PRKAR1B: variants seen among roughly 807,000 people sequenced by gnomAD.
PRKAR1B encodes protein kinase cAMP-dependent type I regulatory subunit beta, also known as cAMP-dependent protein kinase type I-beta regulatory subunit.
PRKAR1B carries 22 observed loss-of-function variants against 46.5 expected under a neutral mutation model. That is an observed-to-expected ratio of 0.47 (90% CI 0.34 to 0.68). The LOEUF is 0.68. Ranked by LOEUF, PRKAR1B falls within the 30% of genes least tolerant of loss-of-function variation. The pLI is 0.01. For missense variants in PRKAR1B, 445 were observed against 535.6 expected (o/e 0.83, Z 1.67); for synonymous variants, 259 against 217.7 (o/e 1.19, Z -1.67).
intron 2 of PRKAR1B, among the ~76,000 whole-genome samples, chr7:709,932 G>C (rs553135250): frequency 6.6e-6 from 1 of 152,166 alleles, no homozygotes; most frequent in Admixed American, 6.5e-5. Context: ...ATAAGCCACC[G>C]TATCTGGCCT....
chr7:653,808 T>C (rs1278413567), intron 4 of PRKAR1B, among the ~76,000 whole-genome samples: 2 of 152,150 alleles, frequency 1.3e-5, no homozygotes, highest in African/African-American at 4.8e-5. Flanking sequence ...TTATAACTAG[T>C]GCTCATCACC....
intron 9 of PRKAR1B, among the ~76,000 whole-genome samples, chr7:558,149 T>TAA (rs531704507): frequency 1.4e-5 from 2 of 138,068 alleles, no homozygotes; most frequent in Admixed American, 7.2e-5. Flanking sequence ...CCCCATCTCT[T>TAA]AAAAAAAAAA....
intron 7 of PRKAR1B, among the ~76,000 whole-genome samples, chr7:588,671 G>T (rs1780762770): frequency 6.8e-6 from 1 of 146,750 alleles, no homozygotes; most frequent in African/African-American, 2.6e-5. Flanking sequence ...TAGTGACAGT[G>T]GTGATGACGA....
chr7:687,128 A>G (rs551009812), intron 2 of PRKAR1B, among the ~76,000 whole-genome samples: 3 of 152,310 alleles, frequency 2.0e-5, no homozygotes, highest in South Asian at 4.1e-4. Context: ...CAAAAGGAAT[A>G]TATCAGCCTC....
intron 4 of PRKAR1B, among the ~76,000 whole-genome samples, chr7:643,355 G>A (rs1165000933): frequency 6.6e-6 from 1 of 151,460 alleles, no homozygotes; most frequent in African/African-American, 2.5e-5. Flanking sequence ...AAAGGAATAA[G>A]ACCTGGACCC....
intron 9 of PRKAR1B, among the ~76,000 whole-genome samples, chr7:551,701 GC>G (rs1784216081): frequency 8.4e-6 from 1 of 119,014 alleles, no homozygotes; most frequent in African/African-American, 3.4e-5. Flanking sequence ...CCCATGTCCT[GC>G]CCAGGTCCTT....
chr7:577,055 A>G (rs1342051143), intron 9 of PRKAR1B, among the ~76,000 whole-genome samples: 1 of 140,560 alleles, frequency 7.1e-6, no homozygotes, highest in Non-Finnish European at 1.6e-5. Flanking sequence ...CAACTCCATC[A>G]GTCACCTCAC....
chr7:577,743 T>A (rs1199277031), intron 9 of PRKAR1B, among the ~76,000 whole-genome samples: 3 of 152,232 alleles, frequency 2.0e-5, no homozygotes, highest in Non-Finnish European at 4.4e-5. Context: ...AGGTGATGCA[T>A]GTGGGCCCCA....
intron 4 of PRKAR1B, among the ~76,000 whole-genome samples, chr7:619,116 A>G (rs902843198): frequency 6.6e-6 from 1 of 152,158 alleles, no homozygotes; most frequent in African/African-American, 2.4e-5. Context: ...TGGTGTCCTT[A>G]TAAAAAGAGG....
chr7:557,968 G>A (rs1363183385), intron 9 of PRKAR1B, among the ~76,000 whole-genome samples: 1 of 149,392 alleles, frequency 6.7e-6, no homozygotes, highest in Non-Finnish European at 1.5e-5. Flanking sequence ...CCGCAGCAGG[G>A]GAATCACAAA....
At chr7:695,233 T>C (rs1779664625) in intron 2 of PRKAR1B, among the ~76,000 whole-genome samples, 1 of 151,910 alleles carries the variant, frequency 6.6e-6, no homozygotes, top group African/African-American at 2.4e-5. Context: ...GGATCAGAGG[T>C]GGCCGGCGAG....
chr7:680,451 G>T, intron 3 of PRKAR1B, 105 bp downstream of exon 3: 3 of 1,153,378 alleles, frequency 2.6e-6, no homozygotes, highest in Non-Finnish European at 3.5e-6. Flanking sequence ...ATGACACTGA[G>T]ACCCCCAGGA....
intron 4 of PRKAR1B, among the ~76,000 whole-genome samples, chr7:621,190 G>C (rs1283492401): frequency 6.6e-6 from 1 of 152,184 alleles, no homozygotes; most frequent in Non-Finnish European, 1.5e-5. Context: ...GTAGCAATTT[G>C]AGAAGTAAGA....
intron 1 of PRKAR1B, chr7:712,323 G>C (rs2128530167): frequency 7.0e-6 from 1 of 143,736 alleles, no homozygotes; most frequent in East Asian, 2.2e-4. Flanking sequence ...CCCCACTCCC[G>C]GCGGGGCCGA....
At chr7:713,895 C>G (rs1003643539) in intron 1 of PRKAR1B, among the ~76,000 whole-genome samples, 5 of 152,230 alleles carry the variant, frequency 3.3e-5, no homozygotes, top group Non-Finnish European at 7.3e-5. Flanking sequence ...CCTCAGCACC[C>G]ACTGGCCCCA....
intron 4 of PRKAR1B, among the ~76,000 whole-genome samples, chr7:648,207 C>T (rs1273509924): frequency 6.6e-6 from 1 of 152,012 alleles, no homozygotes; most frequent in Admixed American, 6.6e-5. Flanking sequence ...AAGTTAGCAT[C>T]TATAATGTTT....
At chr7:706,031 A>T (rs1458736899) in intron 2 of PRKAR1B, among the ~76,000 whole-genome samples, 1 of 152,130 alleles carries the variant, frequency 6.6e-6, no homozygotes, top group Admixed American at 6.5e-5. Context: ...TGTCTCGAAA[A>T]GAAAAACAGA....
intron 8 of PRKAR1B, among the ~76,000 whole-genome samples, chr7:583,777 C>T (rs943112378): frequency 9.3e-5 from 14 of 150,548 alleles, no homozygotes; most frequent in Non-Finnish European, 1.8e-4. Flanking sequence ...TGCACACTCA[C>T]GTGTACACCC....
At chr7:721,195 C>T (rs962163034) in intron 1 of PRKAR1B, among the ~76,000 whole-genome samples, 6 of 152,212 alleles carry the variant, frequency 3.9e-5, no homozygotes, top group Non-Finnish European at 8.8e-5. Context: ...ATTTCCTCCA[C>T]ATACATCACA....
Sources: gnomAD v4.1 joint callset for allele counts (sites outside exome capture counted in the v4.1 genomes callset) on GRCh38, gnomAD v4.1.1 for gene constraint, MANE v1.5 for transcripts, NCBI Gene and HGNC (gene_info 2026-07-23, HGNC 2026-07-21) for gene names.